Variants in ULK4 observed in about 807,000 individuals in gnomAD.
ULK4 encodes the protein inactive serine/threonine-protein kinase ULK4.
Under a neutral mutation model 160.6 loss-of-function variants are expected in ULK4, and 133 were observed. The observed-to-expected ratio is 0.83, with a 90% CI of 0.72 to 0.96. ULK4 has a LOEUF of 0.96. Among genes scored for constraint, ULK4 ranks in the 40% least tolerant of loss-of-function variants. The pLI is 0.00. For synonymous variants in ULK4, 534 were observed against 539.8 expected, an observed-to-expected ratio of 0.99 and a Z score of 0.15; for missense variants, 1,580 against 1,499.5, an observed-to-expected ratio of 1.05 and a Z score of -0.89.
At chr3:41,284,293 A>T (rs1347475834) in intron 35 of ULK4, among the ~76,000 whole-genome samples, 1 of 152,178 alleles carries the variant, frequency 6.6e-6, no homozygotes, top group African/African-American at 2.4e-5. Context: ...CCAAAGCAAG[A>T]TTAAGCAAAG....
chr3:41,825,537 C>T (rs12494132), intron 18 of ULK4, among the ~76,000 whole-genome samples: 30,098 of 152,132 alleles, frequency 0.2, 3,561 homozygotes, highest in South Asian at 0.3. Context: ...GTAGCCAATT[C>T]GATCAACTGG....
intron 5 of ULK4, among the ~76,000 whole-genome samples, chr3:41,920,243 C>T (rs1334826583): frequency 6.6e-6 from 1 of 152,184 alleles, no homozygotes; most frequent in African/African-American, 2.4e-5. Flanking sequence ...TCCAACTCCA[C>T]TCATGCTTCC....
intron 17 of ULK4, among the ~76,000 whole-genome samples, chr3:41,839,861 A>C (rs986968404): frequency 1.3e-5 from 2 of 152,198 alleles, no homozygotes; most frequent in African/African-American, 4.8e-5. Flanking sequence ...CTCAGGTAAA[A>C]ATCTAACAAA....
chr3:41,567,046 T>C (rs2087806173), intron 31 of ULK4, among the ~76,000 whole-genome samples: 1 of 152,172 alleles, frequency 6.6e-6, no homozygotes, highest in African/African-American at 2.4e-5. Context: ...ACCATGACTA[T>C]TCTGCTAATA....
intron 34 of ULK4, among the ~76,000 whole-genome samples, chr3:41,412,733 G>A (rs1382682551): frequency 6.6e-6 from 1 of 151,654 alleles, no homozygotes; most frequent in African/African-American, 2.4e-5. Flanking sequence ...CTAATTTGTT[G>A]TATTTTTAGT....
At chr3:41,409,806 A>C (rs1366734335) in intron 34 of ULK4, among the ~76,000 whole-genome samples, 1 of 151,994 alleles carries the variant, frequency 6.6e-6, no homozygotes, top group African/African-American at 2.4e-5. Flanking sequence ...AAAATTAGCC[A>C]GGCATGGTGG....
chr3:41,419,719 T>C (rs1195964186), intron 34 of ULK4, among the ~76,000 whole-genome samples: 4 of 152,124 alleles, frequency 2.6e-5, no homozygotes, highest in Non-Finnish European at 1.5e-5. Context: ...CTGGCATCAC[T>C]GTGAAGGCCC....
intron 19 of ULK4, among the ~76,000 whole-genome samples, chr3:41,803,783 A>G (rs1050527723): frequency 6.6e-6 from 1 of 151,952 alleles, no homozygotes; most frequent in Admixed American, 6.6e-5. Context: ...ATGATTTCCA[A>G]TTTCATCCAT....
chr3:41,446,064 G>T (rs1343589672), intron 34 of ULK4, among the ~76,000 whole-genome samples: 1 of 152,138 alleles, frequency 6.6e-6, no homozygotes, highest in African/African-American at 2.4e-5. Context: ...AGTGGGAGAA[G>T]GATATGAACA....
intron 30 of ULK4, among the ~76,000 whole-genome samples, chr3:41,634,865 A>G (rs1400247437): frequency 6.6e-6 from 1 of 152,240 alleles, no homozygotes; most frequent in Non-Finnish European, 1.5e-5. Context: ...GCTGCAATGT[A>G]CAGAGAAGAA....
At chr3:41,310,915 C>T (rs2080035150) in intron 35 of ULK4, among the ~76,000 whole-genome samples, 1 of 152,110 alleles carries the variant, frequency 6.6e-6, no homozygotes, top group South Asian at 2.1e-4. Flanking sequence ...ATCACTTGAA[C>T]CCGGGAAGTT....
chr3:41,937,096 A>G (rs1252174117), intron 3 of ULK4: 1 of 442,996 alleles, frequency 2.3e-6, no homozygotes, highest in African/African-American at 2.0e-5. Context: ...CAGTAAAAGT[A>G]AAGTTTCTGC....
intron 31 of ULK4, among the ~76,000 whole-genome samples, chr3:41,579,024 A>T (rs1206306557): frequency 2.0e-5 from 3 of 152,184 alleles, no homozygotes; most frequent in East Asian, 3.9e-4. Flanking sequence ...CTATACGCTG[A>T]GTGTGTAAGA....
chr3:41,615,698 G>A lies in ULK4; in HGVS notation c.3091C>T (p.Leu1031=). 6.2e-7 allele frequency: 1 copy of A among 1,613,266 alleles called. No homozygotes were observed. The highest frequency in any genetic ancestry group is 2.2e-5 in the East Asian group (1 of 44,822). The change falls in exon 31 of 37, where the codon CTG becomes TTG. Residue 1031 remains leucine (L), a synonymous_variant. Transcript: ENST00000301831. The part of the protein sequence containing the change: ...TFTRLVEESK[L]IPLIFEVTLE... Reference sequence around the variant, plus strand: ...GTTACTTCAAAAATGAGTGGGATCAGTTTGCTTTCTTCCACAAGTCTGTTA... The same window carrying A: ...GTTACTTCAAAAATGAGTGGGATCAATTTGCTTTCTTCCACAAGTCTGTTA...
At position 41,916,040 on chromosome 3, in the gene ULK4, GGAC is replaced by G; in HGVS notation, c.737_739del (p.Arg246del). 3.2e-6 allele frequency: 5 copies of G among 1,582,318 alleles called. No individual in the cohort carries two copies. Among genetic ancestry groups the G allele is most frequent in the Non-Finnish European group, 4.3e-6 (5 of 1,170,316 alleles). ...ATTAATAAAATCTGAAGAAGCTTTAGGACGAGAAGAATCTATAAATGAATTAAT... is the reference window on the plus strand; with the variant it reads ...ATTAATAAAATCTGAAGAAGCTTTAGGAGAAGAATCTATAAATGAATTAAT... On this transcript the variant is annotated inframe_deletion, in exon 8 of 37. Transcript: ENST00000301831.
chr3:41,894,892 A>G (rs1036852327), intron 16 of ULK4, among the ~76,000 whole-genome samples: 1 of 152,174 alleles, frequency 6.6e-6, no homozygotes, highest in African/African-American at 2.4e-5. Context: ...CTAACACTTG[A>G]TCTACTGTGC....
chr3:41,409,467 T>G (rs1227781055), intron 34 of ULK4, among the ~76,000 whole-genome samples: 1 of 152,178 alleles, frequency 6.6e-6, no homozygotes, highest in African/African-American at 2.4e-5. Flanking sequence ...GAGAAATATT[T>G]TATAAATCTG....
Position 41,936,184 on chromosome 3 carries a change from C to G in ULK4, c.239-244G>C, listed in dbSNP as rs1699771439. 4.6e-5 allele frequency among the ~76,000 whole-genome samples: 7 copies of G among 152,146 alleles called. No individual in the cohort carries two copies. In the South Asian group the frequency reaches 1.4e-3, roughly 31 times the overall value. On this transcript the variant is annotated intron_variant, in intron 3 of 36. Transcript: ENST00000301831. ...CTCCCTATGGATGAATGGTGAGAAGCAAGCAGGTAAGATGAAAGGATAATA... is the reference window on the plus strand; with the variant it reads ...CTCCCTATGGATGAATGGTGAGAAGGAAGCAGGTAAGATGAAAGGATAATA...
chr3:41,594,138 T>A (rs559410432), intron 31 of ULK4, among the ~76,000 whole-genome samples: 1 of 152,314 alleles, frequency 6.6e-6, no homozygotes, highest in South Asian at 2.1e-4. Context: ...ATAAGTTATT[T>A]CTTAGATGTT....
Sources: allele counts gnomAD v4.1 joint callset (sites outside exome capture counted in the v4.1 genomes callset), GRCh38; gene constraint gnomAD v4.1.1; transcripts MANE v1.5; gene names NCBI Gene and HGNC (gene_info 2026-07-23, HGNC 2026-07-21).